The following YTHDC1 variants were observed in gnomAD, a reference collection of about 807,000 sequenced individuals.
The protein encoded by YTHDC1 is YTH N6-methyladenosine RNA binding protein C1, also known as YTH domain-containing protein 1.
In YTHDC1, 12 loss-of-function variants were observed where a neutral mutation model predicts 107.0. The observed-to-expected ratio is 0.11, with a 90% confidence interval of 0.07 to 0.18. YTHDC1 has a LOEUF of 0.18. Among genes scored for constraint, YTHDC1 ranks in the 10% least tolerant of loss-of-function variants. YTHDC1 has a pLI of 1.00. For missense variants in YTHDC1, 635 were observed against 898.8 expected, an observed-to-expected ratio of 0.71 and a Z score of 3.75; for synonymous variants, 280 against 289.5, an observed-to-expected ratio of 0.97 and a Z score of 0.33.
At chr4:68,327,663 GA>G (rs1280058874) in intron 9 of YTHDC1, among the ~76,000 whole-genome samples, 1 of 151,918 alleles carries the variant, frequency 6.6e-6, no homozygotes, top group African/African-American at 2.4e-5. Flanking sequence ...ATCTGCAAAA[GA>G]AAAAAATATT....
intron 15 of YTHDC1, among the ~76,000 whole-genome samples, chr4:68,317,031 G>A (rs940546984): frequency 6.6e-6 from 1 of 152,172 alleles, no homozygotes; most frequent in African/African-American, 2.4e-5. Context: ...AGGAGTTGGA[G>A]ACCAGCTTGG....
At chr4:68,337,485 A>G (rs1209363201) in intron 3 of YTHDC1, 35 bp from the exon 4 acceptor site, 7 of 1,606,980 alleles carry the variant, frequency 4.4e-6, no homozygotes, top group Non-Finnish European at 6.0e-6. Context: ...CAGCAGTCAT[A>G]TAAAAGACAA....
At chr4:68,319,754 G>A (rs1432031178) in intron 12 of YTHDC1, among the ~76,000 whole-genome samples, 3 of 152,114 alleles carry the variant, frequency 2.0e-5, no homozygotes, top group African/African-American at 7.2e-5. Flanking sequence ...AGCATTGTAT[G>A]TATATGTATC....
rs551540149 is a variant in YTHDC1 at position 68,345,995 on chromosome 4, T to C, written c.28+3731A>G. On this transcript the variant is annotated intron_variant, in intron 1 of 16. Transcript: ENST00000344157. Reference sequence around the variant, plus strand: ...ATAACACAACAAAACCGCCTAACAATGCCCATCTTCATTGTTAAATGACAC... The same window carrying C: ...ATAACACAACAAAACCGCCTAACAACGCCCATCTTCATTGTTAAATGACAC... Among the ~76,000 whole-genome samples, 42 of 151,808 alleles carry C rather than the reference T, an allele frequency of 2.8e-4. No homozygotes were observed. In the South Asian group the frequency reaches 8.1e-3, roughly 29 times the overall value.
intron 1 of YTHDC1, among the ~76,000 whole-genome samples, chr4:68,347,745 C>T (rs1725610403): frequency 6.6e-6 from 1 of 152,138 alleles, no homozygotes; most frequent in Non-Finnish European, 1.5e-5. Flanking sequence ...CAATAAAGCG[C>T]TTAAGAGTCC....
At chr4:68,330,586 A>G (rs1723466408) in intron 7 of YTHDC1, among the ~76,000 whole-genome samples, 1 of 152,172 alleles carries the variant, frequency 6.6e-6, no homozygotes, top group Non-Finnish European at 1.5e-5. Flanking sequence ...AGAATTCTAT[A>G]TAGTAAAACC....
At chr4:68,344,243 G>A (rs1484005075) in intron 1 of YTHDC1, among the ~76,000 whole-genome samples, 1 of 149,718 alleles carries the variant, frequency 6.7e-6, no homozygotes, top group African/African-American at 2.5e-5. Context: ...GATACCTAAC[G>A]TATTAAGCAA....
chr4:68,342,756 G>T (rs1724987555), intron 1 of YTHDC1, among the ~76,000 whole-genome samples: 1 of 152,036 alleles, frequency 6.6e-6, no homozygotes, highest in Non-Finnish European at 1.5e-5. Flanking sequence ...AACGTAGAAT[G>T]AATTATAAAA....
chr4:68,339,073 C>CA (rs1289369916), intron 1 of YTHDC1, among the ~76,000 whole-genome samples: 1 of 151,940 alleles, frequency 6.6e-6, no homozygotes, highest in Non-Finnish European at 1.5e-5. Flanking sequence ...ACACATTTAC[C>CA]AAAAATGTGC....
At position 68,338,264 on chromosome 4, in the gene YTHDC1, T is replaced by C. The variant is rs1360067336; in HGVS notation, c.130+19A>G. 1 of 1,572,720 alleles carries C rather than the reference T, an allele frequency of 6.4e-7. No individual in the cohort carries two copies. The highest frequency in any genetic ancestry group is 8.7e-7 in the Non-Finnish European group (1 of 1,154,156). On this transcript the variant is annotated intron_variant, in intron 2 of 16. Transcript: ENST00000344157. ...ATTTATACTGTTATTTCAACAAAAATAATAGAACTCTTACATACCCTTTTT... is the reference window on the plus strand; with the variant it reads ...ATTTATACTGTTATTTCAACAAAAACAATAGAACTCTTACATACCCTTTTT...
At position 68,310,483 on chromosome 4, in the gene YTHDC1, A is replaced by G. The variant is rs983579132; in HGVS notation, c.*3616T>C. ...AGAAGAAACTGAAAGTGTAAGATTT[A>G]GAAACAAGAGAATCCCCACCCCAAA... On this transcript the variant is annotated 3_prime_UTR_variant, in exon 17 of 17. Transcript: ENST00000344157. The G allele has an allele frequency of 2.6e-5, 4 of 152,214 alleles. No individual in the cohort carries two copies. The highest frequency in any genetic ancestry group is 7.2e-5 in the African/African-American group (3 of 41,460). 9.4% of individuals were successfully genotyped at this position (152,214 alleles called of 1,614,324 possible).
At chr4:68,327,613 T>C (rs2109704780) in intron 9 of YTHDC1, among the ~76,000 whole-genome samples, 1 of 152,320 alleles carries the variant, frequency 6.6e-6, no homozygotes. Flanking sequence ...GTTATTATTA[T>C]ATCCAAAGGG....
intron 1 of YTHDC1, among the ~76,000 whole-genome samples, chr4:68,343,760 ACTC>A (rs150590977): frequency 0.043 from 6,551 of 151,976 alleles, 427 homozygotes; most frequent in African/African-American, 0.15. Flanking sequence ...CTGGTCTTGA[ACTC>A]CTGACCTCAG....
chr4:68,346,591 G>T (rs1002903100), intron 1 of YTHDC1, among the ~76,000 whole-genome samples: 1 of 152,288 alleles, frequency 6.6e-6, no homozygotes, highest in Admixed American at 6.5e-5. Context: ...CCTGGAAAAT[G>T]AATCATCCCT....
rs1305293991 is a variant in YTHDC1 at position 68,330,112 on chromosome 4, T to C, written c.1239A>G (p.Ala413=). ...CGTGATGTGATTCTGAAGAAAGTCT[T>C]GCAAACCCTAAGAGAATCATATCAT... ...VRESGKFQGF[A]RLSSESHHGG... is the part of the protein sequence containing the mutation. Residue 413 remains alanine, a synonymous_variant, in exon 9 of 17, where the codon GCA becomes GCG. Coordinates refer to ENST00000344157, the MANE Select transcript of YTHDC1 (RefSeq NM_001031732.4). 1.2e-6 allele frequency: 2 copies of C among 1,612,824 alleles called. No individual in the cohort carries two copies. Among genetic ancestry groups the C allele is most frequent in the Non-Finnish European group, 8.5e-7 (1 of 1,179,096 alleles).
intron 1 of YTHDC1, 50 bp downstream of exon 1, chr4:68,349,676 A>G: frequency 1.7e-6 from 2 of 1,160,628 alleles, no homozygotes; most frequent in Non-Finnish European, 1.1e-6. Flanking sequence ...CCATCACCCC[A>G]CTCCCGGGCC....
chr4:68,330,478 T>C (rs899585025), intron 7 of YTHDC1, among the ~76,000 whole-genome samples, 168 bp from the exon 8 acceptor site: 7 of 152,010 alleles, frequency 4.6e-5, no homozygotes, highest in Non-Finnish European at 5.9e-5. Flanking sequence ...TAATAATTTA[T>C]AAAAACCTAA....
chr4:68,312,407 T>C lies in YTHDC1; in HGVS notation c.*1692A>G, dbSNP rs947302075. 14 of 152,216 alleles carry C rather than the reference T, an allele frequency of 9.2e-5. No individual in the cohort carries two copies. Among genetic ancestry groups the C allele is most frequent in the African/African-American group, 3.1e-4 (13 of 41,456 alleles). 9.4% of individuals were successfully genotyped at this position (152,216 alleles called of 1,614,324 possible). On this transcript the variant is annotated 3_prime_UTR_variant, in exon 17 of 17. Coordinates refer to ENST00000344157, the MANE Select transcript of YTHDC1 (RefSeq NM_001031732.4). ...AATTCTTAAACTGTAGCTATCATCT[T>C]GTCTAGCTTACTGATGAATACACAA...
intron 16 of YTHDC1, 166 bp downstream of exon 16, chr4:68,316,148 G>A: frequency 1.3e-6 from 1 of 763,210 alleles, no homozygotes; most frequent in Non-Finnish European, 2.0e-6. Context: ...ATAATCCAAA[G>A]GGGCATAATC....
Sources: allele counts gnomAD v4.1 joint callset (sites outside exome capture counted in the v4.1 genomes callset), GRCh38; gene constraint gnomAD v4.1.1; transcripts MANE v1.5; gene names NCBI Gene and HGNC (gene_info 2026-07-23, HGNC 2026-07-21).